The following LUZP2 variants were observed in gnomAD, a reference collection of about 807,000 sequenced individuals.
The protein encoded by LUZP2 is leucine zipper protein 2.
A neutral mutation model predicts 51.6 loss-of-function variants in LUZP2; 52 were observed. The observed-to-expected ratio is 1.01, with a 90% confidence interval of 0.81 to 1.27. The LOEUF (loss-of-function observed/expected upper bound fraction) is 1.27. LUZP2 is among the 50% of genes most tolerant of loss of function. The pLI is 0.00. For synonymous variants in LUZP2, 154 were observed against 137.3 expected (o/e 1.12, Z -0.85); for missense variants, 436 against 395.4 (o/e 1.10, Z -0.87).
chr11:24,683,270 A>G (rs1856803385), intron 1 of LUZP2, among the ~76,000 whole-genome samples: 2 of 152,224 alleles, frequency 1.3e-5, no homozygotes, highest in South Asian at 2.1e-4. Flanking sequence ...TAAATTAAAG[A>G]CTGTGAGTAC....
intron 1 of LUZP2, among the ~76,000 whole-genome samples, chr11:24,540,135 A>T (rs931414073): frequency 2.6e-5 from 4 of 152,040 alleles, no homozygotes; most frequent in African/African-American, 9.7e-5. Flanking sequence ...ACCACTTTGG[A>T]TTTTCATATT....
At chr11:24,973,624 G>T (rs1286474294) in intron 7 of LUZP2, among the ~76,000 whole-genome samples, 1 of 151,718 alleles carries the variant, frequency 6.6e-6, no homozygotes, top group Non-Finnish European at 1.5e-5. Context: ...GCATCCCAGA[G>T]ATTTTGGTAC....
chr11:24,844,420 G>C (rs1019940870), intron 5 of LUZP2, among the ~76,000 whole-genome samples: 1 of 152,168 alleles, frequency 6.6e-6, no homozygotes, highest in Admixed American at 6.5e-5. Context: ...CTTGGATGCT[G>C]TTAATGGCAT....
chr11:24,703,706 G>T (rs560183448), intron 1 of LUZP2, among the ~76,000 whole-genome samples: 1 of 152,014 alleles, frequency 6.6e-6, no homozygotes, highest in East Asian at 1.9e-4. Context: ...GTATGTGCCT[G>T]TAATCCCACC....
intron 5 of LUZP2, among the ~76,000 whole-genome samples, chr11:24,800,500 T>C (rs1018612086): frequency 4.0e-5 from 6 of 149,320 alleles, no homozygotes; most frequent in African/African-American, 1.5e-4. Flanking sequence ...GAATGCCAGG[T>C]CAACCTCCCA....
chr11:24,819,938 T>C (rs569385914), intron 5 of LUZP2, among the ~76,000 whole-genome samples: 187 of 152,256 alleles, frequency 1.2e-3, no homozygotes, highest in African/African-American at 4.5e-3. Context: ...GTTATAGGCA[T>C]TAAATTTCAA....
rs1853052343 is a variant in LUZP2, at chr11:24,896,381, G to C, written c.397-9610G>C. ...GGCCTCAGCGGTCCCCACACTTGGA[G>C]CAGCCAGCCGGCCGGCGATGCCAGC... On this transcript the variant is annotated intron_variant, in intron 5 of 11. Coordinates refer to ENST00000336930, the MANE Select transcript of LUZP2 (RefSeq NM_001009909.4). Among the ~76,000 whole-genome samples the C allele has an allele frequency of 1.2e-4, 19 of 152,288 alleles. No individual in the cohort carries two copies. In the South Asian group the frequency reaches 3.9e-3, roughly 32 times the overall value.
intron 1 of LUZP2, among the ~76,000 whole-genome samples, chr11:24,725,438 A>T (rs2133959015): frequency 6.6e-6 from 1 of 152,244 alleles, no homozygotes; most frequent in African/African-American, 2.4e-5. Context: ...TTATATGTAG[A>T]TACAAAAATC....
At chr11:24,524,816 C>A (rs1395729082) in intron 1 of LUZP2, among the ~76,000 whole-genome samples, 1 of 151,618 alleles carries the variant, frequency 6.6e-6, no homozygotes, top group African/African-American at 2.4e-5. Flanking sequence ...GGACCAAAAT[C>A]CCAATCATTA....
intron 9 of LUZP2, among the ~76,000 whole-genome samples, chr11:25,049,396 T>C (rs1305049414): frequency 6.6e-6 from 1 of 152,178 alleles, no homozygotes. Context: ...GGTATTTCTA[T>C]ACAACAATTA....
At chr11:24,942,907 G>T (rs1228109605) in intron 7 of LUZP2, among the ~76,000 whole-genome samples, 1 of 152,148 alleles carries the variant, frequency 6.6e-6, no homozygotes, top group African/African-American at 2.4e-5. Flanking sequence ...TATAAAATGT[G>T]AGTTGATGGT....
Position 24,639,232 on chromosome 11 carries a change from T to G in LUZP2, c.63-89937T>G, listed in dbSNP as rs555454452. ...GTTTTCTTAATTTTGCATTTTACAT[T>G]TTCACATTTCTTTCCTGTTTTTACC... On this transcript the variant is annotated intron_variant, in intron 1 of 11. Transcript: ENST00000336930. 3.6e-4 allele frequency among the ~76,000 whole-genome samples: 54 copies of G among 152,008 alleles called. 2 individuals are homozygous for G. The South Asian group carries it at 0.011, about 31-fold the overall frequency.
At chr11:24,871,820 G>C (rs550308378) in intron 5 of LUZP2, among the ~76,000 whole-genome samples, 5 of 152,154 alleles carry the variant, frequency 3.3e-5, no homozygotes, top group Admixed American at 2.6e-4. Flanking sequence ...AAGAATGACT[G>C]ACCCACATTT....
Position 24,963,379 on chromosome 11 carries a change from A to G in LUZP2, c.523-13212A>G, listed in dbSNP as rs1169414033. On this transcript the variant is annotated intron_variant, in intron 7 of 11. Transcript: ENST00000336930. ...CCCTGCCCCCAGAGGTGGAGCCTAC[A>G]GAGGCAGACAGGCCTCCTTGAGCTG... is the stretch of plus-strand genomic sequence containing the variant. Among the ~76,000 whole-genome samples, 10 of 152,304 alleles carry G rather than the reference A, an allele frequency of 6.6e-5. No homozygotes were observed. In the East Asian group the frequency reaches 1.8e-3, roughly 27 times the overall value.
At chr11:24,595,813 TA>T (rs1853426098) in intron 1 of LUZP2, among the ~76,000 whole-genome samples, 1 of 151,928 alleles carries the variant, frequency 6.6e-6, no homozygotes, top group East Asian at 1.9e-4. Context: ...AGTCAATATT[TA>T]TTGCTTTTGC....
intron 1 of LUZP2, among the ~76,000 whole-genome samples, chr11:24,608,788 A>G (rs527427151): frequency 1.1e-4 from 17 of 152,352 alleles, no homozygotes; most frequent in African/African-American, 3.6e-4. Context: ...AAAGTATTTC[A>G]GTATGATACA....
chr11:24,964,501 C>T (rs766353381), intron 7 of LUZP2, among the ~76,000 whole-genome samples: 3 of 152,028 alleles, frequency 2.0e-5, no homozygotes, highest in Non-Finnish European at 4.4e-5. Flanking sequence ...GTTTACAGGA[C>T]CACATCTCAT....
Position 24,547,371 on chromosome 11 carries a change from C to T in LUZP2, c.62+50066C>T, listed in dbSNP as rs576046903. On this transcript the variant is annotated intron_variant, in intron 1 of 11. Transcript: ENST00000336930. Reference sequence around the variant, plus strand: ...CATGGTACTGGTGCAAAAACAGACACATAGACCAACGGAACAGGTTAGAGA... The same window carrying T: ...CATGGTACTGGTGCAAAAACAGACATATAGACCAACGGAACAGGTTAGAGA... 5.9e-5 allele frequency among the ~76,000 whole-genome samples: 9 copies of T among 152,134 alleles called. No individual in the cohort carries two copies. The East Asian group carries it at 1.6e-3, about 26-fold the overall frequency.
chr11:24,718,606 G>A (rs11028125), intron 1 of LUZP2, among the ~76,000 whole-genome samples: 50,874 of 152,058 alleles, frequency 0.33, 9,149 homozygotes, highest in Non-Finnish European at 0.4. Context: ...GGGCTCAGAT[G>A]CAGTTCAACA....
Sources: gnomAD v4.1 joint callset for allele counts (sites outside exome capture counted in the v4.1 genomes callset) on GRCh38, gnomAD v4.1.1 for gene constraint, MANE v1.5 for transcripts, NCBI Gene and HGNC (gene_info 2026-07-23, HGNC 2026-07-21) for gene names.